Variants in THRB observed in about 807,000 individuals in gnomAD.
THRB encodes the protein nuclear receptor subfamily 1 group A member 2.
Under a neutral mutation model 47.8 loss-of-function variants are expected in THRB, and 12 were observed. The ratio of observed to expected loss-of-function variants is 0.25; its 90% CI spans 0.16 to 0.41. The LOEUF is 0.41. Among genes scored for constraint, THRB ranks in the 10% least tolerant of loss-of-function variants. THRB has a pLI of 1.00. For missense variants in THRB, 348 were observed against 589.2 expected, an observed-to-expected ratio of 0.59 and a Z score of 4.24; for synonymous variants, 218 against 212.2, an observed-to-expected ratio of 1.03 and a Z score of -0.24.
intron 1 of THRB, among the ~76,000 whole-genome samples, chr3:24,388,197 A>C (rs753394560): frequency 6.6e-6 from 1 of 152,216 alleles, no homozygotes; most frequent in Non-Finnish European, 1.5e-5. Context: ...ATGCCAAGGT[A>C]TAAAGGCCCA....
chr3:24,456,629 TTTAA>T (rs143696953), intron 1 of THRB, among the ~76,000 whole-genome samples: 167 of 150,522 alleles, frequency 1.1e-3, no homozygotes, highest in African/African-American at 3.8e-3. Context: ...AAAATATTAG[TTTAA>T]TTAAAAATAT....
chr3:24,486,428 C>G (rs1697311921), intron 1 of THRB: 1 of 152,106 alleles, frequency 6.6e-6, no homozygotes, highest in African/African-American at 2.4e-5. Context: ...GCAGATGTCC[C>G]ATGCATTTGT....
intron 3 of THRB, among the ~76,000 whole-genome samples, chr3:24,230,164 G>C (rs1160902014): frequency 1.3e-5 from 2 of 152,210 alleles, no homozygotes; most frequent in Non-Finnish European, 2.9e-5. Context: ...TTTATACATA[G>C]CCATTCATGC....
intron 3 of THRB, among the ~76,000 whole-genome samples, chr3:24,245,115 G>C (rs551567158): frequency 1.1e-4 from 16 of 152,284 alleles, no homozygotes; most frequent in African/African-American, 3.9e-4. Context: ...GGGGACTGCT[G>C]CTATGTGTCT....
chr3:24,234,736 G>A (rs1471159890), intron 3 of THRB, among the ~76,000 whole-genome samples: 2 of 152,224 alleles, frequency 1.3e-5, no homozygotes, highest in Non-Finnish European at 2.9e-5. Flanking sequence ...ACCTGTATGA[G>A]GGAACCCAAT....
chr3:24,386,180 C>A (rs138709043), intron 1 of THRB, among the ~76,000 whole-genome samples: 72 of 152,216 alleles, frequency 4.7e-4, no homozygotes, highest in Middle Eastern at 3.4e-3. Context: ...TGAGCTCCTG[C>A]TCTCTCTACA....
At chr3:24,241,909 C>A (rs983228966) in intron 3 of THRB, among the ~76,000 whole-genome samples, 1 of 152,092 alleles carries the variant, frequency 6.6e-6, no homozygotes, top group Admixed American at 6.6e-5. Flanking sequence ...TTGGTGCACT[C>A]CCCTGCCCAT....
In THRB at chr3:24,391,235, T is replaced by C. The variant is rs1028732966; in HGVS notation, c.-260-53864A>G. On this transcript the variant is annotated intron_variant, in intron 1 of 10. Coordinates refer to ENST00000646209, the MANE Select transcript of THRB (RefSeq NM_001354712.2). ...AACATTTAGCCACTGTTTTAGAACA[T>C]GGGTGGTAAAATATGGTCAAAAGCA... Among the ~76,000 whole-genome samples the C allele has an allele frequency of 1.4e-4, 22 of 152,234 alleles. No homozygotes were observed. The South Asian group carries it at 1.7e-3, about 11-fold the overall frequency.
intron 1 of THRB, among the ~76,000 whole-genome samples, chr3:24,480,267 TC>T (rs1696168113): frequency 1.3e-5 from 2 of 152,216 alleles, no homozygotes. Flanking sequence ...ATCCTCAGGT[TC>T]CTCTGATGTA....
intron 1 of THRB, among the ~76,000 whole-genome samples, chr3:24,439,331 A>G (rs2071297014): frequency 6.6e-6 from 1 of 152,130 alleles, no homozygotes. Flanking sequence ...CACTAACAGC[A>G]TCTACTATAG....
At chr3:24,169,417 C>T (rs61505962) in intron 5 of THRB, among the ~76,000 whole-genome samples, 9,100 of 152,094 alleles carry the variant, frequency 0.06, 515 homozygotes, top group African/African-American at 0.14. Flanking sequence ...CTAGGGATTA[C>T]GGAAGAATGA....
chr3:24,470,192 G>T lies in THRB; in HGVS notation c.-261+24460C>A, dbSNP rs116369345. 8.1e-3 allele frequency among the ~76,000 whole-genome samples: 1,240 copies of T among 152,266 alleles called. 12 individuals are homozygous for T. The highest frequency in any genetic ancestry group is 0.027 in the African/African-American group (1,139 of 41,540). Reference sequence around the variant, plus strand: ...ACAGAACTCTAAACACCAGACGCTAGATAGGCACATTACGAATACTCTCTT... The same window carrying T: ...ACAGAACTCTAAACACCAGACGCTATATAGGCACATTACGAATACTCTCTT... On this transcript the variant is annotated intron_variant, in intron 1 of 10. Coordinates refer to ENST00000646209, the MANE Select transcript of THRB (RefSeq NM_001354712.2).
At chr3:24,366,505 A>G (rs9866857) in intron 1 of THRB, among the ~76,000 whole-genome samples, 4 of 152,246 alleles carry the variant, frequency 2.6e-5, no homozygotes, top group African/African-American at 9.6e-5. Context: ...ACTTCCTGGA[A>G]GCACGTGTAC....
intron 8 of THRB, among the ~76,000 whole-genome samples, chr3:24,135,847 A>ATATATATT (rs371175625): frequency 9.2e-5 from 12 of 130,978 alleles, no homozygotes; most frequent in African/African-American, 3.5e-4. Context: ...ATATATATAT[A>ATATATATT]ATACATAAAT....
At chr3:24,449,587 A>G (rs1577654917) in intron 1 of THRB, among the ~76,000 whole-genome samples, 1 of 152,198 alleles carries the variant, frequency 6.6e-6, no homozygotes, top group Admixed American at 6.5e-5. Context: ...TCTCTCTTGA[A>G]AACTGAAAGT....
Position 24,482,538 on chromosome 3 carries a change from CCTCTCTCTCTCTCT to C in THRB, c.-261+12100_-261+12113del, listed in dbSNP as rs10575358. 7.5e-3 allele frequency among the ~76,000 whole-genome samples: 987 copies of C among 130,988 alleles called. 15 individuals are homozygous for C. The highest frequency in any genetic ancestry group is 0.027 in the African/African-American group (905 of 33,514). 85.9% of individuals were successfully genotyped at this position (130,988 alleles called of 152,430 possible). On this transcript the variant is annotated intron_variant, in intron 1 of 10. Transcript: ENST00000646209. ...TTCTTTCTTTCTTTCTTTCTGTCTC[CCTCTCTCTCTCTCT>C]CTCTCTCTCTCTCTCTCTCTCCAAT...
At chr3:24,198,909 G>C (rs1372521018) in intron 4 of THRB, among the ~76,000 whole-genome samples, 1 of 152,080 alleles carries the variant, frequency 6.6e-6, no homozygotes, top group Admixed American at 6.5e-5. Flanking sequence ...TGGCTCCTAA[G>C]GGAATTGAGG....
At chr3:24,269,363 CCATCATAGCT>C (rs1337517506) in intron 3 of THRB, among the ~76,000 whole-genome samples, 4 of 142,592 alleles carry the variant, frequency 2.8e-5, no homozygotes, top group Non-Finnish European at 4.5e-5. Context: ...TGCAGCGACA[CCATCATAGCT>C]CATCATAGCT....
chr3:24,431,329 G>A (rs1209004857), intron 1 of THRB, among the ~76,000 whole-genome samples: 1 of 151,312 alleles, frequency 6.6e-6, no homozygotes, highest in East Asian at 1.9e-4. Context: ...CAAAAGAGAA[G>A]TGGGTGAAGA....
Sources: allele counts gnomAD v4.1 joint callset (sites outside exome capture counted in the v4.1 genomes callset), GRCh38; gene constraint gnomAD v4.1.1; transcripts MANE v1.5; gene names NCBI Gene and HGNC (gene_info 2026-07-23, HGNC 2026-07-21).